Variants in FSHR observed in about 807,000 individuals in gnomAD.
FSHR encodes follicle-stimulating hormone receptor.
A neutral mutation model predicts 52.1 loss-of-function variants in FSHR; 46 were observed. The ratio of observed to expected loss-of-function variants is 0.88; its 90% confidence interval spans 0.70 to 1.13. The LOEUF (loss-of-function observed/expected upper bound fraction) is 1.13. Ranked by LOEUF, FSHR falls within the 50% of genes most tolerant of loss-of-function variation. The probability of loss-of-function intolerance (pLI) is 0.00; values close to 1 mark genes in which losing one functional copy is unlikely to be tolerated. For synonymous variants in FSHR, 399 were observed against 309.6 expected (o/e 1.29, Z -3.03); for missense variants, 964 against 834.6 (o/e 1.16, Z -1.91).
intron 1 of FSHR, among the ~76,000 whole-genome samples, chr2:49,114,831 G>C (rs1456126705): frequency 6.6e-6 from 1 of 152,100 alleles, no homozygotes; most frequent in African/African-American, 2.4e-5. Context: ...ACTGGGCTCA[G>C]AGATGAATAT....
chr2:48,968,325 G>A (rs971391550), intron 9 of FSHR, among the ~76,000 whole-genome samples: 6 of 152,166 alleles, frequency 3.9e-5, no homozygotes, highest in African/African-American at 1.4e-4. Context: ...TGACACGGAT[G>A]GGGCATTTAT....
intron 2 of FSHR, among the ~76,000 whole-genome samples, chr2:49,051,168 G>A (rs1324540362): frequency 6.6e-6 from 1 of 151,906 alleles, no homozygotes; most frequent in Non-Finnish European, 1.5e-5. Flanking sequence ...TTCTGTTTGG[G>A]GCTATTATGA....
At chr2:49,008,183 C>CA (rs1667137453) in intron 4 of FSHR, among the ~76,000 whole-genome samples, 2 of 109,252 alleles carry the variant, frequency 1.8e-5, no homozygotes, top group African/African-American at 6.4e-5. Context: ...CCCCCTCCCC[C>CA]ACCCCACAAC....
intron 1 of FSHR, among the ~76,000 whole-genome samples, chr2:49,105,058 A>T (rs17038225): frequency 0.017 from 2,580 of 152,264 alleles, 58 homozygotes; most frequent in African/African-American, 0.058. Flanking sequence ...AGGGGCTCAT[A>T]CCATCAATTC....
In FSHR at chr2:49,085,356, G is replaced by T. The variant is rs866372582; in HGVS notation, c.153-17066C>A. ...GATGGGACGTATCTCAAAATAATAA[G>T]AGCTATCTATGACAAACCCACAGCC... is the stretch of plus-strand genomic sequence containing the variant. On this transcript the variant is annotated intron_variant, in intron 1 of 9. Transcript: ENST00000406846. Among the ~76,000 whole-genome samples, 8 of 152,284 alleles carry T rather than the reference G, an allele frequency of 5.3e-5. No individual in the cohort carries two copies. In the South Asian group the frequency reaches 1.7e-3, roughly 32 times the overall value.
chr2:49,115,618 A>C (rs562797974), intron 1 of FSHR, among the ~76,000 whole-genome samples: 1 of 152,214 alleles, frequency 6.6e-6, no homozygotes. Context: ...TAGGTGCCAC[A>C]TGCTGCTAGA....
At chr2:49,040,246 T>C (rs1668432808) in intron 2 of FSHR, among the ~76,000 whole-genome samples, 1 of 152,212 alleles carries the variant, frequency 6.6e-6, no homozygotes, top group Non-Finnish European at 1.5e-5. Context: ...GAAGTGGCCA[T>C]GGAGATATTG....
At chr2:48,970,143 G>T (rs1674673427) in intron 8 of FSHR, among the ~76,000 whole-genome samples, 1 of 152,142 alleles carries the variant, frequency 6.6e-6, no homozygotes, top group South Asian at 2.1e-4. Flanking sequence ...TCACAATCTG[G>T]TGAAAATTAC....
In FSHR at chr2:49,068,268, G is replaced by A. The variant is rs1376736747; in HGVS notation, c.175C>T (p.Arg59Ter). 3.1e-6 allele frequency: 5 copies of A among 1,611,284 alleles called. No individual in the cohort carries two copies. Among genetic ancestry groups the A allele is most frequent in the East Asian group, 2.2e-5 (1 of 44,824 alleles). Residue 59 changes from arginine to a stop codon, truncating the protein, a stop_gained, in exon 2 of 10, where the codon CGA (arginine) becomes TGA (stop). Transcript: ENST00000406846. LOFTEE classifies it high-confidence loss of function. ...IELRFVLTKL[R>*]VIQKGAFSGF... The stretch of plus-strand genomic sequence containing the variant: ...GAAAATGCACCTTTTTGGATGACTC[G>A]AAGCTTGGTGAGGACAAACCTCCTG...
At chr2:49,052,976 G>C (rs1239124159) in intron 2 of FSHR, among the ~76,000 whole-genome samples, 1 of 152,132 alleles carries the variant, frequency 6.6e-6, no homozygotes, top group African/African-American at 2.4e-5. Flanking sequence ...TTTTTAATGT[G>C]TTTGCAACAA....
chr2:48,963,756 T>C lies in FSHR; in HGVS notation c.1065A>G (p.Pro355=). ...TCSPKPDAFN[P]CEDIMGYNIL... is the part of the protein sequence containing the mutation. ...TGTTGTACCCCATGATATCTTCACA[T>C]GGGTTGAATGCATCTGGCTTAGGGG... is the stretch of plus-strand genomic sequence containing the variant. The change falls in exon 10 of 10, where the codon CCA becomes CCG. Residue 355 remains proline, a synonymous_variant. Transcript: ENST00000406846. 1 of 1,614,170 alleles carries C rather than the reference T, an allele frequency of 6.2e-7. No individual in the cohort carries two copies. The highest frequency in any genetic ancestry group is 8.5e-7 in the Non-Finnish European group (1 of 1,180,008).
At chr2:48,979,313 C>T (rs1364197526) in intron 8 of FSHR, among the ~76,000 whole-genome samples, 10 of 152,194 alleles carry the variant, frequency 6.6e-5, no homozygotes, top group Admixed American at 1.3e-4. Flanking sequence ...TGGTGGTGCA[C>T]GCTTGTAGTC....
At chr2:49,036,706 C>G (rs1668283924) in intron 2 of FSHR, among the ~76,000 whole-genome samples, 1 of 152,004 alleles carries the variant, frequency 6.6e-6, no homozygotes, top group South Asian at 2.1e-4. Flanking sequence ...TAAACTATGT[C>G]TTTTACTAAT....
chr2:49,012,283 G>A (rs1489088066), intron 4 of FSHR, among the ~76,000 whole-genome samples: 1 of 152,054 alleles, frequency 6.6e-6, no homozygotes, highest in Non-Finnish European at 1.5e-5. Flanking sequence ...CAAAAGGTCA[G>A]CTCCAGGAAG....
chr2:48,981,317 G>A (rs754741859), intron 8 of FSHR, among the ~76,000 whole-genome samples: 5 of 152,270 alleles, frequency 3.3e-5, no homozygotes, highest in Non-Finnish European at 7.4e-5. Context: ...CTATGAGGAG[G>A]AACTTTCCTT....
chr2:48,963,597 A>G lies in FSHR; in HGVS notation c.1224T>C (p.Asp408=). 1 of 1,614,196 alleles carries G rather than the reference A, an allele frequency of 6.2e-7. No individual in the cohort carries two copies. Among genetic ancestry groups the G allele is most frequent in the Non-Finnish European group, 8.5e-7 (1 of 1,180,028 alleles). The change falls in exon 10 of 10, where the codon GAT becomes GAC. Residue 408 remains aspartate (D), a synonymous_variant. Coordinates refer to ENST00000406846, the MANE Select transcript of FSHR (RefSeq NM_000145.4). ...RFLMCNLAFA[D]LCIGIYLLLI... Reference sequence around the variant, plus strand: ...GCAGCAGGTAGATTCCAATGCAGAGATCAGCAAAGGCCAGGTTGCACATAA... The same window carrying G: ...GCAGCAGGTAGATTCCAATGCAGAGGTCAGCAAAGGCCAGGTTGCACATAA...
chr2:48,979,178 C>G (rs915935416), intron 8 of FSHR, among the ~76,000 whole-genome samples: 1 of 152,146 alleles, frequency 6.6e-6, no homozygotes, highest in African/African-American at 2.4e-5. Context: ...GGTGTTATGA[C>G]TCACGCCTGT....
chr2:48,977,250 G>C (rs1675032286), intron 8 of FSHR, among the ~76,000 whole-genome samples: 1 of 152,146 alleles, frequency 6.6e-6, no homozygotes, highest in South Asian at 2.1e-4. Flanking sequence ...GGGTTATTTA[G>C]AATAGTTATT....
intron 4 of FSHR, 99 bp downstream of exon 4, chr2:49,017,390 C>T: frequency 1.1e-6 from 1 of 900,418 alleles, no homozygotes. Context: ...CATCCTTGAT[C>T]AAAAGTAATT....
Sources: allele counts gnomAD v4.1 joint callset (sites outside exome capture counted in the v4.1 genomes callset), GRCh38; gene constraint gnomAD v4.1.1; transcripts MANE v1.5; gene names NCBI Gene and HGNC (gene_info 2026-07-23, HGNC 2026-07-21).